TEX101: variants seen among roughly 807,000 people sequenced by gnomAD.
TEX101 encodes testis expressed 101.
Under a neutral mutation model 18.1 loss-of-function variants are expected in TEX101, and 10 were observed. The ratio of observed to expected loss-of-function variants is 0.55; its 90% CI spans 0.34 to 0.94. The LOEUF (loss-of-function observed/expected upper bound fraction) is 0.94, where lower values mean the gene tolerates loss of function less well. TEX101 is among the 40% of genes least tolerant of loss of function. The probability of loss-of-function intolerance (pLI) is 0.02; values close to 1 mark genes in which losing one functional copy is unlikely to be tolerated. For missense variants in TEX101, 259 were observed against 298.9 expected (o/e 0.87, Z 0.98); for synonymous variants, 94 against 114.8 (o/e 0.82, Z 1.16).
At chr19:43,409,382 C>T (rs948423767) in intron 3 of TEX101, among the ~76,000 whole-genome samples, 2 of 152,096 alleles carry the variant, frequency 1.3e-5, no homozygotes, top group African/African-American at 4.8e-5. Flanking sequence ...ATGGAGAAAC[C>T]ATTAGACCAA....
chr19:43,414,125 A>AAAGGG (rs575439213), upstream of TEX101, among the ~76,000 whole-genome samples: 2 of 148,366 alleles, frequency 1.3e-5, no homozygotes, highest in Non-Finnish European at 3.0e-5. Flanking sequence ...AGTCTGTCAA[A>AAAGGG]AAGGGAAGGG....
At chr19:43,408,923 A>G (rs1233785544) in intron 3 of TEX101, among the ~76,000 whole-genome samples, 1 of 152,056 alleles carries the variant, frequency 6.6e-6, no homozygotes, top group Non-Finnish European at 1.5e-5. Flanking sequence ...ATTCTCATGA[A>G]CCCGTGGAGG....
chr19:43,403,548 C>T (rs182400184), intron 2 of TEX101, among the ~76,000 whole-genome samples: 283 of 151,780 alleles, frequency 1.9e-3, no homozygotes, highest in African/African-American at 5.1e-3. Context: ...CAAACCTGCA[C>T]GTTGTGCACA....
chr19:43,406,353 C>T lies in TEX101; in HGVS notation c.-152C>T, dbSNP rs893695121. ...GCGAATGGATAGACGCTATTCCCAC[C>T]GTCCCTACATAGCATCCAGCGACAC... On this transcript the variant is annotated 5_prime_UTR_variant, in exon 3 of 8. Transcript: ENST00000602198. The T allele has an allele frequency of 1.3e-5, 8 of 633,648 alleles. No individual in the cohort carries two copies. In the African/African-American group the frequency reaches 1.5e-4, roughly 12 times the overall value. The allele number at this position is 633,648 out of a possible 1,614,324, so 39.3% of individuals were successfully genotyped here. A position where few individuals can be genotyped will look rare whatever the true frequency, so the allele number is the denominator to read the frequency against.
In TEX101 at chr19:43,416,096, C is replaced by G; in HGVS notation, c.65-3C>G. On this transcript the variant is annotated splice_region_variant and splice_polypyrimidine_tract_variant and intron_variant, in intron 2 of 5. Coordinates refer to ENST00000598265, the MANE Select transcript of TEX101 (RefSeq NM_001130011.3). ...GCTTATCCTTTTCTTGTTTTCTCCTCAGCGGGCCTAGAGCTGTATTGTCAA... is the reference window on the plus strand; with the variant it reads ...GCTTATCCTTTTCTTGTTTTCTCCTGAGCGGGCCTAGAGCTGTATTGTCAA... 1 of 1,607,208 alleles carries G rather than the reference C, an allele frequency of 6.2e-7. No homozygotes were observed. Among genetic ancestry groups the G allele is most frequent in the Non-Finnish European group, 8.5e-7 (1 of 1,176,896 alleles).
intron 3 of TEX101, among the ~76,000 whole-genome samples, chr19:43,409,118 C>A (rs1355411742): frequency 1.3e-5 from 2 of 152,154 alleles, no homozygotes; most frequent in African/African-American, 4.8e-5. Context: ...CCCCCAGACC[C>A]AGAGTAGGTT....
At chr19:43,408,600 C>A (rs1475417638) in intron 3 of TEX101, among the ~76,000 whole-genome samples, 2 of 151,954 alleles carry the variant, frequency 1.3e-5, no homozygotes, top group African/African-American at 4.8e-5. Flanking sequence ...AGGGCCACAA[C>A]CACCCGTGAC....
chr19:43,416,551 C>T lies in TEX101; in HGVS notation c.387C>T (p.Thr129=). The T allele has an allele frequency of 1.2e-6, 2 of 1,612,154 alleles. No individual in the cohort carries two copies. The highest frequency in any genetic ancestry group is 1.3e-5 in the African/African-American group (1 of 74,974). The part of the protein sequence containing the change: ...SLSQFWEFSE[T]TASTVSTTLH... ...CTCAGTTTTGGGAGTTCAGTGAGAC[C>T]ACAGGTACCCTGGAAGTGGGGGAGA... The change falls in exon 4 of 6, where the codon ACC becomes ACT. Residue 129 remains threonine (T), a synonymous_variant. Transcript: ENST00000598265.
chr19:43,417,799 T>G, intron 4 of TEX101, 79 bp from the exon 5 acceptor site: 1 of 1,576,976 alleles, frequency 6.3e-7, no homozygotes, highest in Admixed American at 1.7e-5. Flanking sequence ...CAGGAAAATC[T>G]TGGGGAAGAG....
the TEX101 span, among the ~76,000 whole-genome samples, chr19:43,390,711 C>T: frequency 6.6e-6 from 1 of 151,798 alleles, no homozygotes; most frequent in African/African-American, 2.4e-5. Context: ...TCGTGATCTG[C>T]CTGCCTCGAC....
the TEX101 span, among the ~76,000 whole-genome samples, chr19:43,390,450 C>CTTTTTTTTTG: frequency 1.6e-5 from 1 of 62,880 alleles, no homozygotes; most frequent in African/African-American, 6.3e-5. Flanking sequence ...CTTTTCTTTT[C>CTTTTTTTTTG]TTTTTTTTTC....
At chr19:43,390,826 G>A in the TEX101 span, among the ~76,000 whole-genome samples, 2 of 151,606 alleles carry the variant, frequency 1.3e-5, no homozygotes, top group Admixed American at 6.6e-5. Context: ...GTTGTTCAAC[G>A]ACCACCACTG....
At chr19:43,414,838 A>G, upstream of TEX101, 1 of 985,230 alleles carries the variant, frequency 1.0e-6, no homozygotes, top group Non-Finnish European at 1.2e-6. Flanking sequence ...TTTTGCATCC[A>G]CCAATGGGGT....
chr19:43,394,398 G>C, the TEX101 span, among the ~76,000 whole-genome samples: 1 of 151,878 alleles, frequency 6.6e-6, no homozygotes, highest in African/African-American at 2.4e-5. Flanking sequence ...AGACTCCAGA[G>C]ACCATCACTT....
intron 2 of TEX101, among the ~76,000 whole-genome samples, chr19:43,404,705 CAGAA>C (rs1009192791): frequency 6.0e-5 from 9 of 151,026 alleles, no homozygotes; most frequent in African/African-American, 1.2e-4. Flanking sequence ...TGTGTATACA[CAGAA>C]AGAAAGAATG....
the TEX101 span, among the ~76,000 whole-genome samples, chr19:43,391,625 G>A: frequency 4.6e-5 from 7 of 151,828 alleles, no homozygotes; most frequent in Non-Finnish European, 7.4e-5. Flanking sequence ...CTCACTATAC[G>A]GTGTATCTTG....
intron 5 of TEX101, 65 bp from the exon 6 acceptor site, chr19:43,418,103 G>C: frequency 6.2e-7 from 1 of 1,610,174 alleles, no homozygotes; most frequent in Non-Finnish European, 8.5e-7. Context: ...GGATGAGGGG[G>C]GACTGGATTC....
chr19:43,413,195 A>C (rs1004505196), upstream of TEX101, among the ~76,000 whole-genome samples: 1 of 152,164 alleles, frequency 6.6e-6, no homozygotes, highest in Non-Finnish European at 1.5e-5. Context: ...GGACCCCTCG[A>C]AGTTGTAAGC....
In TEX101 at chr19:43,406,252, A is replaced by G. The variant is rs187018847; in HGVS notation, c.-253A>G. ...CTGAATGTCAAAGTGAAGGAATTCAATGAAGCCCGGATCAAGGGCAGGAGC... is the reference window on the plus strand; with the variant it reads ...CTGAATGTCAAAGTGAAGGAATTCAGTGAAGCCCGGATCAAGGGCAGGAGC... On this transcript the variant is annotated 5_prime_UTR_variant, in exon 3 of 8. Transcript: ENST00000602198. 1.1e-3 allele frequency: 559 copies of G among 495,188 alleles called. 3 individuals are homozygous for G. Among genetic ancestry groups the G allele is most frequent in the African/African-American group, 6.8e-3 (336 of 49,360 alleles). The allele number at this position is 495,188 out of a possible 1,614,324, so 30.7% of individuals were successfully genotyped here. A position where few individuals can be genotyped will look rare whatever the true frequency, so the allele number is the denominator to read the frequency against.
Sources: allele counts gnomAD v4.1 joint callset (sites outside exome capture counted in the v4.1 genomes callset), GRCh38; gene constraint gnomAD v4.1.1; transcripts MANE v1.5; gene names NCBI Gene and HGNC (gene_info 2026-07-23, HGNC 2026-07-21).